The following NCK1 variants were observed in gnomAD, a reference collection of about 807,000 sequenced individuals.
NCK1 encodes the protein NCK adaptor protein 1, also known as SH2/SH3 adapter protein NCK1.
In NCK1, 19 loss-of-function variants were observed where a neutral mutation model predicts 36.6. The observed-to-expected ratio is 0.52, with a 90% confidence interval of 0.36 to 0.76. The LOEUF is 0.76. Ranked by LOEUF, NCK1 falls within the 30% of genes least tolerant of loss-of-function variation. The probability of loss-of-function intolerance (pLI) is 0.00; values close to 1 mark genes in which losing one functional copy is unlikely to be tolerated. For synonymous variants in NCK1, 165 were observed against 156.0 expected, an observed-to-expected ratio of 1.06 and a Z score of -0.43; for missense variants, 358 against 445.6, an observed-to-expected ratio of 0.80 and a Z score of 1.77.
In NCK1 at chr3:136,948,303, G is replaced by A. The variant is rs777735558; in HGVS notation, c.984G>A (p.Lys328=). 1.0e-5 allele frequency: 16 copies of A among 1,606,294 alleles called. No homozygotes were observed. Among genetic ancestry groups the A allele is most frequent in the Non-Finnish European group, 1.4e-5 (16 of 1,176,330 alleles). ...SVSLKAQGKN[K]HFKVQLKETV... ...CACTAAAAGCACAAGGGAAAAACAAGCATTTTAAAGTCCAACTAAAAGAGA... is the reference window on the plus strand; with the variant it reads ...CACTAAAAGCACAAGGGAAAAACAAACATTTTAAAGTCCAACTAAAAGAGA... The change falls in exon 4 of 4, where the codon AAG becomes AAA. Residue 328 remains lysine, a synonymous_variant. Transcript: ENST00000481752.
intron 2 of NCK1, 126 bp from the exon 3 acceptor site, chr3:136,945,457 T>G (rs1395353024): frequency 3.3e-6 from 2 of 615,310 alleles, no homozygotes; most frequent in Non-Finnish European, 5.1e-6. Flanking sequence ...CATAGAAATT[T>G]GTTATATTTA....
At chr3:136,899,878 T>G in intron 1 of NCK1, 2 of 1,152,948 alleles carry the variant, frequency 1.7e-6, no homozygotes, top group South Asian at 1.3e-5. Flanking sequence ...CTTTTTTTTT[T>G]AGGGGTTTTC....
intron 1 of NCK1, chr3:136,899,142 T>A (rs1939469289): frequency 5.0e-6 from 1 of 199,866 alleles, no homozygotes. Context: ...GACTCTGATT[T>A]GGAGACTTCA....
intron 1 of NCK1, among the ~76,000 whole-genome samples, chr3:136,903,509 C>T (rs1181631520): frequency 6.6e-6 from 1 of 152,216 alleles, no homozygotes; most frequent in African/African-American, 2.4e-5. Context: ...ACTGCAACCT[C>T]TGCCTCCTGG....
At chr3:136,920,024 A>G (rs572789900) in intron 1 of NCK1, among the ~76,000 whole-genome samples, 3 of 152,296 alleles carry the variant, frequency 2.0e-5, no homozygotes, top group South Asian at 2.1e-4. Flanking sequence ...AAAGTCCCCA[A>G]TTAACTAACT....
At chr3:136,917,010 A>T (rs1307569036) in intron 1 of NCK1, among the ~76,000 whole-genome samples, 31 of 152,208 alleles carry the variant, frequency 2.0e-4, no homozygotes, top group Admixed American at 2.0e-3. Flanking sequence ...GGTAAGATAA[A>T]CAAGTTGCCT....
chr3:136,930,459 G>A, intron 2 of NCK1: 1 of 1,264,672 alleles, frequency 7.9e-7, no homozygotes, highest in Non-Finnish European at 1.0e-6. Context: ...CACATGGATT[G>A]GGTGTGGGAA....
At chr3:136,870,098 T>C (rs1031579378) in intron 1 of NCK1, among the ~76,000 whole-genome samples, 16 of 142,018 alleles carry the variant, frequency 1.1e-4, no homozygotes, top group Non-Finnish European at 1.3e-4. Flanking sequence ...TGTAATCCCA[T>C]TGGGAGGCCG....
At chr3:136,893,780 G>C (rs1939319447) in intron 1 of NCK1, among the ~76,000 whole-genome samples, 1 of 152,116 alleles carries the variant, frequency 6.6e-6, no homozygotes, top group African/African-American at 2.4e-5. Context: ...ATTTGAGAAG[G>C]GTTAGTGATA....
intron 2 of NCK1, 44 bp from the exon 3 acceptor site, chr3:136,945,539 A>G: frequency 7.3e-7 from 1 of 1,368,182 alleles, no homozygotes; most frequent in Non-Finnish European, 1.0e-6. Context: ...TTTGGTAATC[A>G]TTTTTTTATA....
At chr3:136,939,839 C>CTTT (rs397991172) in intron 2 of NCK1, among the ~76,000 whole-genome samples, 164 of 66,836 alleles carry the variant, frequency 2.5e-3, no homozygotes, top group South Asian at 7.5e-3. Context: ...TTATTGAGGC[C>CTTT]TTTTTTTTTT....
At chr3:136,862,574 C>T (rs1470806159) in intron 1 of NCK1, among the ~76,000 whole-genome samples, 6 of 152,238 alleles carry the variant, frequency 3.9e-5, no homozygotes. Context: ...GGCCGTTGCC[C>T]CAGGGAGCGT....
intron 1 of NCK1, among the ~76,000 whole-genome samples, chr3:136,872,318 C>T (rs747241149): frequency 1.3e-5 from 2 of 152,130 alleles, no homozygotes; most frequent in Non-Finnish European, 2.9e-5. Context: ...AAGAAACTGG[C>T]AACATTTTGC....
intron 1 of NCK1, among the ~76,000 whole-genome samples, chr3:136,927,676 C>CA (rs912725075): frequency 6.6e-6 from 1 of 152,088 alleles, no homozygotes; most frequent in Non-Finnish European, 1.5e-5. Flanking sequence ...TGTGCACCAT[C>CA]ACGCCCAGCT....
chr3:136,946,699 G>A (rs898782665), intron 3 of NCK1, among the ~76,000 whole-genome samples: 1 of 152,028 alleles, frequency 6.6e-6, no homozygotes, highest in Admixed American at 6.6e-5. Context: ...AGTCACTGTA[G>A]TCCTTATGAC....
chr3:136,919,469 G>GC (rs1403244175), intron 1 of NCK1, among the ~76,000 whole-genome samples: 1 of 151,978 alleles, frequency 6.6e-6, no homozygotes, highest in East Asian at 1.9e-4. Context: ...ATTTCATGTA[G>GC]CCTCTGGAAT....
chr3:136,946,032 G>T lies in NCK1; in HGVS notation c.676G>T (p.Asp226Tyr). 6.2e-7 allele frequency: 1 copy of T among 1,613,968 alleles called. No individual in the cohort carries two copies. Among genetic ancestry groups the T allele is most frequent in the South Asian group, 1.1e-5 (1 of 91,046 alleles). Residue 226 changes from aspartate (D) to tyrosine (Y), a missense_variant, in exon 3 of 4, where the codon GAC (aspartate) becomes TAC (tyrosine). Coordinates refer to ENST00000481752, the MANE Select transcript of NCK1 (RefSeq NM_001291999.2). ...GGATGTTATTGAAAAACCTGAAAATGACCCAGAGTGGTGGAAATGCAGGAA... is the reference window on the plus strand; with the variant it reads ...GGATGTTATTGAAAAACCTGAAAATTACCCAGAGTGGTGGAAATGCAGGAA... ...VMDVIEKPEN[D>Y]PEWWKCRKIN...
intron 1 of NCK1, among the ~76,000 whole-genome samples, chr3:136,886,817 C>CT (rs35976394): frequency 1.6e-3 from 226 of 137,074 alleles, no homozygotes; most frequent in Middle Eastern, 7.5e-3. Flanking sequence ...CATGATCAGT[C>CT]TTTTTTTTTT....
At chr3:136,940,933 A>G (rs1391781166) in intron 2 of NCK1, among the ~76,000 whole-genome samples, 3 of 151,880 alleles carry the variant, frequency 2.0e-5, no homozygotes, top group East Asian at 1.9e-4. Context: ...TTTCAAACCT[A>G]TTTGCATCTT....
Sources: allele counts gnomAD v4.1 joint callset (sites outside exome capture counted in the v4.1 genomes callset), GRCh38; gene constraint gnomAD v4.1.1; transcripts MANE v1.5; gene names NCBI Gene and HGNC (gene_info 2026-07-23, HGNC 2026-07-21).